The following BTBD9 variants were observed in gnomAD, a reference collection of about 807,000 sequenced individuals.
The protein encoded by BTBD9 is BTB/POZ domain-containing protein 9.
BTBD9 carries 49 observed loss-of-function variants against 64.3 expected under a neutral mutation model. The observed-to-expected ratio is 0.76, with a 90% CI of 0.61 to 0.97. The LOEUF is 0.97. Ranked by LOEUF, BTBD9 falls within the 50% of genes least tolerant of loss-of-function variation. BTBD9 has a pLI of 0.00. For synonymous variants in BTBD9, 260 were observed against 274.7 expected, an observed-to-expected ratio of 0.95 and a Z score of 0.53; for missense variants, 598 against 762.1, an observed-to-expected ratio of 0.78 and a Z score of 2.53.
intron 9 of BTBD9, among the ~76,000 whole-genome samples, chr6:38,202,261 A>G (rs1185373673): frequency 6.6e-6 from 1 of 151,434 alleles, no homozygotes; most frequent in African/African-American, 2.4e-5. Context: ...ATTTTTTTGT[A>G]TTTTTAGTAG....
chr6:38,512,681 C>T (rs1396957399), intron 6 of BTBD9, among the ~76,000 whole-genome samples: 1 of 152,172 alleles, frequency 6.6e-6, no homozygotes, highest in East Asian at 1.9e-4. Flanking sequence ...GCAGCCATCA[C>T]TAGTTTAATA....
intron 6 of BTBD9, among the ~76,000 whole-genome samples, chr6:38,433,382 A>G (rs1049639769): frequency 2.0e-5 from 3 of 151,930 alleles, no homozygotes; most frequent in Non-Finnish European, 4.4e-5. Flanking sequence ...GATGGCCTGA[A>G]GCAACTGAAG....
In BTBD9 at chr6:38,169,799, G is replaced by A. The variant is rs538112251; in HGVS notation, c.*5186C>T. ...CCATTCAGGGCTATAAATACTCACG[G>A]ACGCAAATGGTAAATGCTCCCAGAC... On this transcript the variant is annotated 3_prime_UTR_variant, in exon 11 of 11. Coordinates refer to ENST00000481247, the MANE Select transcript of BTBD9 (RefSeq NM_001099272.2). The A allele has an allele frequency of 6.9e-6, 1 of 143,920 alleles. No individual in the cohort carries two copies. Among genetic ancestry groups the A allele is most frequent in the East Asian group, 2.2e-4 (1 of 4,526 alleles). The allele number at this position is 143,920 out of a possible 1,614,324, so 8.9% of individuals were successfully genotyped here. A position where few individuals can be genotyped will look rare whatever the true frequency, so the allele number is the denominator to read the frequency against.
chr6:38,225,986 CCAAAGGT>C (rs1273217409), intron 9 of BTBD9, among the ~76,000 whole-genome samples: 1 of 152,198 alleles, frequency 6.6e-6, no homozygotes, highest in Non-Finnish European at 1.5e-5. Flanking sequence ...AGGCCAAAGG[CCAAAGGT>C]GGATTAGCTT....
At chr6:38,559,054 T>C (rs1775153972) in intron 6 of BTBD9, among the ~76,000 whole-genome samples, 2 of 152,260 alleles carry the variant, frequency 1.3e-5, no homozygotes, top group Admixed American at 6.5e-5. Context: ...TTTTTGTTTG[T>C]TTTGGTTGCT....
At chr6:38,607,489 T>C (rs969500037) in intron 1 of BTBD9, among the ~76,000 whole-genome samples, 2 of 152,184 alleles carry the variant, frequency 1.3e-5, no homozygotes, top group African/African-American at 4.8e-5. Flanking sequence ...ATTATGCTAA[T>C]GTGGGTTTAT....
At chr6:38,542,654 C>A (rs1774339866) in intron 6 of BTBD9, among the ~76,000 whole-genome samples, 1 of 152,036 alleles carries the variant, frequency 6.6e-6, no homozygotes, top group Non-Finnish European at 1.5e-5. Context: ...AAGACTTTAA[C>A]AAAACACTCT....
chr6:38,634,392 C>T (rs1179942863), intron 1 of BTBD9, among the ~76,000 whole-genome samples: 1 of 152,144 alleles, frequency 6.6e-6, no homozygotes, highest in East Asian at 1.9e-4. Flanking sequence ...GTGATTATAC[C>T]TCTTCCTGTT....
rs1764366408 is a variant in BTBD9 at position 38,348,271 on chromosome 6, A to G, written c.1155-3178T>C. ...AACTTGGTTCTCGGTCATAACACCA[A>G]AACGGGAGAAGTAGGTATCACATTT... On this transcript the variant is annotated intron_variant, in intron 6 of 10. Coordinates refer to ENST00000481247, the MANE Select transcript of BTBD9 (RefSeq NM_001099272.2). Among the ~76,000 whole-genome samples, 2 of 152,232 alleles carry G rather than the reference A, an allele frequency of 1.3e-5. 1 individual carries two copies. The highest frequency in any genetic ancestry group is 4.1e-4 in the South Asian group (2 of 4,832).
intron 6 of BTBD9, among the ~76,000 whole-genome samples, chr6:38,462,416 A>G (rs1272457770): frequency 1.3e-5 from 2 of 152,160 alleles, no homozygotes; most frequent in Non-Finnish European, 2.9e-5. Flanking sequence ...TCTTTTTTCC[A>G]CTGAATTGCC....
intron 6 of BTBD9, among the ~76,000 whole-genome samples, chr6:38,376,330 G>C (rs1427019947): frequency 6.6e-6 from 1 of 152,002 alleles, no homozygotes; most frequent in Non-Finnish European, 1.5e-5. Flanking sequence ...AGTATTCCAA[G>C]GATGAAAATT....
At chr6:38,472,472 G>T (rs1020213677) in intron 6 of BTBD9, among the ~76,000 whole-genome samples, 5 of 152,088 alleles carry the variant, frequency 3.3e-5, no homozygotes, top group African/African-American at 1.2e-4. Flanking sequence ...GGAGAGTTGG[G>T]CACTGTCATA....
At chr6:38,390,386 A>C (rs1766358470) in intron 6 of BTBD9, among the ~76,000 whole-genome samples, 1 of 152,168 alleles carries the variant, frequency 6.6e-6, no homozygotes, top group Admixed American at 6.6e-5. Context: ...CACCTAGCCC[A>C]TGTGTAAATT....
rs1766639422 is a variant in BTBD9 at position 38,169,071 on chromosome 6, C to G, written c.*5914G>C. The G allele has an allele frequency of 6.6e-6, 1 of 152,526 alleles. No homozygotes were observed. Among genetic ancestry groups the G allele is most frequent in the African/African-American group, 2.4e-5 (1 of 41,438 alleles). The allele number at this position is 152,526 out of a possible 1,614,324, so 9.4% of individuals were successfully genotyped here. On this transcript the variant is annotated 3_prime_UTR_variant, in exon 11 of 11. Coordinates refer to ENST00000481247, the MANE Select transcript of BTBD9 (RefSeq NM_001099272.2). ...AGATCAGGCCCCACAGACCTGGAAG[C>G]TCTGCCCCAGTATCCCCCAGCCTGG...
chr6:38,586,235 T>C (rs1269854246), intron 4 of BTBD9, among the ~76,000 whole-genome samples: 1 of 152,132 alleles, frequency 6.6e-6, no homozygotes. Flanking sequence ...AAGCTAAATG[T>C]TTGGCAGAGG....
intron 2 of BTBD9, among the ~76,000 whole-genome samples, chr6:38,596,753 A>G (rs975058999): frequency 6.7e-6 from 1 of 149,940 alleles, no homozygotes; most frequent in Non-Finnish European, 1.5e-5. Flanking sequence ...GTGAGCCGAG[A>G]TCGCGCCACT....
intron 9 of BTBD9, among the ~76,000 whole-genome samples, chr6:38,220,925 G>A (rs953157259): frequency 6.6e-6 from 1 of 152,112 alleles, no homozygotes; most frequent in African/African-American, 2.4e-5. Context: ...GTAGAGAAAG[G>A]CTCTCCAAGG....
chr6:38,221,614 G>T (rs1324557334), intron 9 of BTBD9, among the ~76,000 whole-genome samples: 1 of 152,178 alleles, frequency 6.6e-6, no homozygotes, highest in Non-Finnish European at 1.5e-5. Flanking sequence ...ATTATGTGGG[G>T]TATAGTTTGG....
At chr6:38,486,256 G>A (rs1771412862) in intron 6 of BTBD9, among the ~76,000 whole-genome samples, 1 of 152,188 alleles carries the variant, frequency 6.6e-6, no homozygotes, top group South Asian at 2.1e-4. Flanking sequence ...CTCCATATCA[G>A]CAATGGCTGC....
Sources: allele counts gnomAD v4.1 joint callset (sites outside exome capture counted in the v4.1 genomes callset), GRCh38; gene constraint gnomAD v4.1.1; transcripts MANE v1.5; gene names NCBI Gene and HGNC (gene_info 2026-07-23, HGNC 2026-07-21).